Variants in SLC11A2 observed in about 807,000 individuals in gnomAD.
SLC11A2 encodes natural resistance-associated macrophage protein 2.
A neutral mutation model predicts 68.0 loss-of-function variants in SLC11A2; 38 were observed. That is an observed-to-expected ratio of 0.56 (90% CI 0.43 to 0.73). The LOEUF (loss-of-function observed/expected upper bound fraction) is 0.73, where lower values mean the gene tolerates loss of function less well. Ranked by LOEUF, SLC11A2 falls within the 30% of genes least tolerant of loss-of-function variation. The pLI, the probability that SLC11A2 is intolerant of heterozygous loss-of-function variation, is 0.00. For missense variants in SLC11A2, 517 were observed against 690.5 expected (o/e 0.75, Z 2.82); for synonymous variants, 242 against 250.6 (o/e 0.97, Z 0.32).
At chr12:50,967,349 G>A in the SLC11A2 span, among the ~76,000 whole-genome samples, 3 of 152,078 alleles carry the variant, frequency 2.0e-5, no homozygotes, top group African/African-American at 7.2e-5. Context: ...ATCTCCCTAT[G>A]TTGCCCAGGC....
At chr12:51,010,246 G>A (rs1016325545) in intron 2 of SLC11A2, among the ~76,000 whole-genome samples, 5 of 150,360 alleles carry the variant, frequency 3.3e-5, no homozygotes, top group African/African-American at 9.8e-5. Context: ...GGATGGGCGC[G>A]GTAGCTCATG....
chr12:51,009,963 C>A (rs1943065148), intron 2 of SLC11A2, among the ~76,000 whole-genome samples: 1 of 152,062 alleles, frequency 6.6e-6, no homozygotes, highest in Non-Finnish European at 1.5e-5. Context: ...GGGTGGACCA[C>A]CTGAGGTCAG....
chr12:50,984,514 T>A (rs936854932), downstream of SLC11A2, among the ~76,000 whole-genome samples: 10 of 152,316 alleles, frequency 6.6e-5, no homozygotes, highest in African/African-American at 2.2e-4. Flanking sequence ...CCACAGAGTG[T>A]CACTTAGATG....
intron 15 of SLC11A2, among the ~76,000 whole-genome samples, chr12:50,989,064 C>T (rs983847716): frequency 2.6e-5 from 4 of 152,118 alleles, no homozygotes; most frequent in Admixed American, 6.6e-5. Context: ...TCCACTTTTC[C>T]TCAGTCCTCC....
downstream of SLC11A2, among the ~76,000 whole-genome samples, chr12:50,983,346 A>T (rs985795643): frequency 6.6e-6 from 1 of 152,224 alleles, no homozygotes; most frequent in Non-Finnish European, 1.5e-5. Context: ...CTTTGGCACC[A>T]ACAGCCTCTA....
At chr12:50,977,543 C>G (rs2136113346), downstream of SLC11A2, among the ~76,000 whole-genome samples, 1 of 152,218 alleles carries the variant, frequency 6.6e-6, no homozygotes, top group East Asian at 1.9e-4. Flanking sequence ...CATAAAAACC[C>G]TAGAAGAAAA....
chr12:50,986,120 T>C lies in SLC11A2; in HGVS notation c.*2205A>G. ...CAAGGGAGCCAAGAGCTCTTCCCTTTTCCCCTGTTAATTTCCAGTATAATG... is the reference window on the plus strand; with the variant it reads ...CAAGGGAGCCAAGAGCTCTTCCCTTCTCCCCTGTTAATTTCCAGTATAATG... On this transcript the variant is annotated 3_prime_UTR_variant, in exon 16 of 16. Coordinates refer to ENST00000262052, the MANE Select transcript of SLC11A2 (RefSeq NM_000617.3). 5 of 1,286,634 alleles carry C rather than the reference T, an allele frequency of 3.9e-6. No individual in the cohort carries two copies. Among genetic ancestry groups the C allele is most frequent in the Non-Finnish European group, 5.1e-6 (5 of 988,184 alleles). 79.7% of individuals were successfully genotyped at this position (1,286,634 alleles called of 1,614,324 possible).
rs570607525 is a variant in SLC11A2 at position 51,021,124 on chromosome 12, T to C, written c.-39+5186A>G. On this transcript the variant is annotated intron_variant, in intron 1 of 15. Transcript: ENST00000262052. ...AGAGGGGGATTATAATTGATATAACTAATCTAGAGGTGATTTTAAGTACAT... is the reference window on the plus strand; with the variant it reads ...AGAGGGGGATTATAATTGATATAACCAATCTAGAGGTGATTTTAAGTACAT... Among the ~76,000 whole-genome samples, 13 of 152,254 alleles carry C rather than the reference T, an allele frequency of 8.5e-5. No individual in the cohort carries two copies. The South Asian group carries it at 2.7e-3, about 32-fold the overall frequency.
chr12:50,993,752 CG>C (rs1941419525), intron 11 of SLC11A2, among the ~76,000 whole-genome samples: 1 of 151,564 alleles, frequency 6.6e-6, no homozygotes, highest in South Asian at 2.1e-4. Flanking sequence ...CACTTGAACC[CG>C]GAAGGCAGAG....
chr12:51,004,634 G>A (rs940986865), intron 5 of SLC11A2, among the ~76,000 whole-genome samples, 154 bp downstream of exon 5: 3 of 152,296 alleles, frequency 2.0e-5, no homozygotes, highest in Admixed American at 2.0e-4. Context: ...GCAGCAGGAG[G>A]AGCTACAGTA....
the SLC11A2 span, among the ~76,000 whole-genome samples, chr12:50,973,312 G>GT: frequency 5.3e-5 from 8 of 152,152 alleles, no homozygotes; most frequent in Non-Finnish European, 1.0e-4. Context: ...GAACGATCAG[G>GT]CAGCAACATT....
the SLC11A2 span, among the ~76,000 whole-genome samples, chr12:50,953,346 T>C: frequency 6.6e-6 from 1 of 152,222 alleles, no homozygotes; most frequent in Non-Finnish European, 1.5e-5. Context: ...GTGAACACAA[T>C]AAGCTGCACA....
chr12:50,998,930 C>T (rs905066953), intron 8 of SLC11A2, among the ~76,000 whole-genome samples: 1 of 152,074 alleles, frequency 6.6e-6, no homozygotes, highest in African/African-American at 2.4e-5. Context: ...AGAATCTAGT[C>T]TGGAAAGCCC....
At chr12:50,982,351 T>C (rs1019591636), downstream of SLC11A2, among the ~76,000 whole-genome samples, 3 of 151,990 alleles carry the variant, frequency 2.0e-5, no homozygotes, top group Admixed American at 6.6e-5. Context: ...CCCAGCTGGG[T>C]GCGGTGGCTC....
the SLC11A2 span, among the ~76,000 whole-genome samples, chr12:50,967,732 T>C: frequency 6.6e-6 from 1 of 152,194 alleles, no homozygotes; most frequent in South Asian, 2.1e-4. Context: ...GAACCTATCA[T>C]GCTGGTTCTG....
chr12:51,008,808 C>T (rs1446942717), intron 2 of SLC11A2, among the ~76,000 whole-genome samples, 184 bp from the exon 3 acceptor site: 1 of 151,998 alleles, frequency 6.6e-6, no homozygotes, highest in Non-Finnish European at 1.5e-5. Context: ...AATACATTCA[C>T]ATGGTTAAAA....
At position 50,987,181 on chromosome 12, in the gene SLC11A2, A is replaced by G; in HGVS notation, c.*1144T>C. The G allele has an allele frequency of 7.8e-7, 1 of 1,284,698 alleles. No individual in the cohort carries two copies. The highest frequency in any genetic ancestry group is 1.0e-6 in the Non-Finnish European group (1 of 987,052). The allele number at this position is 1,284,698 out of a possible 1,614,324, so 79.6% of individuals were successfully genotyped here. On this transcript the variant is annotated 3_prime_UTR_variant, in exon 16 of 16. Transcript: ENST00000262052. Reference sequence around the variant, plus strand: ...GGTCTCAAGATTTTTCCCTCTGAGGAAACAGCTGTAGAGAGGTAGCCCAGT... The same window carrying G: ...GGTCTCAAGATTTTTCCCTCTGAGGGAACAGCTGTAGAGAGGTAGCCCAGT...
chr12:50,986,431 T>C lies in SLC11A2; in HGVS notation c.*1894A>G. 7.8e-7 allele frequency: 1 copy of C among 1,284,026 alleles called. No homozygotes were observed. Among genetic ancestry groups the C allele is most frequent in the Non-Finnish European group, 1.0e-6 (1 of 986,060 alleles). 79.5% of individuals were successfully genotyped at this position (1,284,026 alleles called of 1,614,324 possible). ...CCATTTAATTGGAAGGAGTTTTCTATCATTGCAAGTCATAAATATAACTTT... is the reference window on the plus strand; with the variant it reads ...CCATTTAATTGGAAGGAGTTTTCTACCATTGCAAGTCATAAATATAACTTT... On this transcript the variant is annotated 3_prime_UTR_variant, in exon 16 of 16. Coordinates refer to ENST00000262052, the MANE Select transcript of SLC11A2 (RefSeq NM_000617.3).
At chr12:50,995,204 C>G (rs1056165087) in intron 10 of SLC11A2, 30 of 256,932 alleles carry the variant, frequency 1.2e-4, no homozygotes, top group Non-Finnish European at 2.0e-4. Flanking sequence ...CCCAGCTACT[C>G]AGGAGGCTGA....
Sources: gnomAD v4.1 joint callset for allele counts (sites outside exome capture counted in the v4.1 genomes callset) on GRCh38, gnomAD v4.1.1 for gene constraint, MANE v1.5 for transcripts, NCBI Gene and HGNC (gene_info 2026-07-23, HGNC 2026-07-21) for gene names.